WIPF2: variants seen among roughly 807,000 people sequenced by gnomAD.
The protein encoded by WIPF2 is WAS/WASL-interacting protein family member 2.
In WIPF2, 23 loss-of-function variants were observed where a neutral mutation model predicts 38.8. The observed-to-expected ratio is 0.59, with a 90% CI of 0.43 to 0.84. WIPF2 has a LOEUF of 0.84. Among genes scored for constraint, WIPF2 ranks in the 40% least tolerant of loss-of-function variants. WIPF2 has a pLI of 0.00. For synonymous variants in WIPF2, 210 were observed against 223.2 expected (o/e 0.94, Z 0.53); for missense variants, 574 against 580.5 (o/e 0.99, Z 0.11).
intron 5 of WIPF2, among the ~76,000 whole-genome samples, chr17:40,272,419 T>A (rs1311422169): frequency 6.6e-6 from 1 of 152,250 alleles, no homozygotes; most frequent in African/African-American, 2.4e-5. Context: ...ATAAACTTGC[T>A]TTGGAGGCAA....
At position 40,277,210 on chromosome 17, in the gene WIPF2, T is replaced by C. The variant is rs186692098; in HGVS notation, c.1282+26T>C. ...GTGAGAATAATAATAAGAAGGTTTT[T>C]CCATAATTGCATAGAATGTAGAATC... On this transcript the variant is annotated intron_variant, in intron 7 of 7. Coordinates refer to ENST00000323571, the MANE Select transcript of WIPF2 (RefSeq NM_133264.5). 5,082 of 1,550,946 alleles carry C rather than the reference T, an allele frequency of 3.3e-3. 29 individuals carry two copies. Among genetic ancestry groups the C allele is most frequent in the Non-Finnish European group, 3.6e-3 (4,116 of 1,132,436 alleles).
chr17:40,250,782 C>T (rs944764122), intron 1 of WIPF2, among the ~76,000 whole-genome samples: 1 of 152,026 alleles, frequency 6.6e-6, no homozygotes, highest in South Asian at 2.1e-4. Context: ...CCATTAGATT[C>T]TTAGCTGCAC....
chr17:40,267,473 A>G (rs1433699341), intron 5 of WIPF2, among the ~76,000 whole-genome samples: 1 of 152,168 alleles, frequency 6.6e-6, no homozygotes. Context: ...TTTGGCTCCC[A>G]TATCGTTGTA....
chr17:40,258,017 A>G (rs2031782912), intron 2 of WIPF2, among the ~76,000 whole-genome samples: 1 of 152,198 alleles, frequency 6.6e-6, no homozygotes, highest in African/African-American at 2.4e-5. Context: ...CATAACCTGT[A>G]GTTTTTAGAC....
chr17:40,242,229 G>A (rs2031214003), intron 1 of WIPF2, among the ~76,000 whole-genome samples: 2 of 152,050 alleles, frequency 1.3e-5, no homozygotes, highest in Non-Finnish European at 2.9e-5. Context: ...AAAATAAAAC[G>A]ATTAGCTGGA....
At chr17:40,269,273 T>G (rs1466758733) in intron 5 of WIPF2, among the ~76,000 whole-genome samples, 1 of 151,972 alleles carries the variant, frequency 6.6e-6, no homozygotes, top group African/African-American at 2.4e-5. Flanking sequence ...TGAGCTAAGA[T>G]TGCACCACTG....
At chr17:40,250,817 A>G (rs932142650) in intron 1 of WIPF2, among the ~76,000 whole-genome samples, 16 of 151,016 alleles carry the variant, frequency 1.1e-4, no homozygotes, top group African/African-American at 3.4e-4. Flanking sequence ...TTGTAGTCCT[A>G]TCTTCTCGGG....
intron 1 of WIPF2, among the ~76,000 whole-genome samples, chr17:40,229,728 C>T (rs964353030): frequency 1.3e-5 from 2 of 152,132 alleles, no homozygotes; most frequent in Non-Finnish European, 2.9e-5. Flanking sequence ...GGCCCAAAGA[C>T]ATTTATTAAA....
Position 40,278,198 on chromosome 17 carries a change from C to T in WIPF2, c.1296C>T (p.Ala432=), listed in dbSNP as rs2032466812. The T allele has an allele frequency of 1.2e-6, 2 of 1,613,582 alleles. No homozygotes were observed. Among genetic ancestry groups the T allele is most frequent in the Non-Finnish European group, 1.7e-6 (2 of 1,179,906 alleles). The change falls in exon 8 of 8, where the codon GCC becomes GCT. Residue 432 remains alanine, a synonymous_variant. Transcript: ENST00000323571. ...PSKTNRAARG[A]PPLPPILR The stretch of plus-strand genomic sequence containing the variant: ...GTTTTTTTTCAGCTGCCCGTGGAGC[C>T]CCACCTCTGCCACCCATTCTCAGGT...
chr17:40,233,762 C>G (rs1348896458), intron 1 of WIPF2, among the ~76,000 whole-genome samples: 1 of 151,816 alleles, frequency 6.6e-6, no homozygotes. Flanking sequence ...AACCCCGTCT[C>G]TACTAAAAAT....
At chr17:40,274,557 G>GAAAAAAAAAAAAAA (rs571085371) in intron 6 of WIPF2, among the ~76,000 whole-genome samples, 8 of 24,782 alleles carry the variant, frequency 3.2e-4, no homozygotes, top group Non-Finnish European at 4.1e-4. Context: ...TGGAATTCTT[G>GAAAAAAAAAAAAAA]AAAAAAAAAA....
At chr17:40,228,623 A>C (rs939474201) in intron 1 of WIPF2, among the ~76,000 whole-genome samples, 1 of 148,940 alleles carries the variant, frequency 6.7e-6, no homozygotes, top group Admixed American at 6.7e-5. Flanking sequence ...GCAGTGAACA[A>C]ATTTTCTTGG....
intron 5 of WIPF2, among the ~76,000 whole-genome samples, chr17:40,269,969 G>T (rs1265285299): frequency 1.3e-5 from 2 of 152,052 alleles, no homozygotes; most frequent in Non-Finnish European, 2.9e-5. Flanking sequence ...CAAAATTAGG[G>T]TTAATCTTGG....
intron 1 of WIPF2, among the ~76,000 whole-genome samples, chr17:40,226,601 C>A (rs1041912590): frequency 6.6e-6 from 1 of 152,146 alleles, no homozygotes; most frequent in Admixed American, 6.6e-5. Flanking sequence ...TCTTCCATTC[C>A]TGCCCTCCCA....
At chr17:40,226,560 T>C (rs7359537) in intron 1 of WIPF2, among the ~76,000 whole-genome samples, 19,179 of 151,832 alleles carry the variant, frequency 0.13, 1,338 homozygotes, top group East Asian at 0.29. Context: ...AGATGCGATG[T>C]CTGAGATTTG....
In WIPF2 at chr17:40,264,847, C is replaced by G; in HGVS notation, c.671C>G (p.Pro224Arg). 1.2e-6 allele frequency: 2 copies of G among 1,614,184 alleles called. No individual in the cohort carries two copies. Among genetic ancestry groups the G allele is most frequent in the Admixed American group, 1.7e-5 (1 of 60,018 alleles). Residue 224 changes from proline (P) to arginine (R), a missense_variant, in exon 5 of 8, where the codon CCT becomes CGT. Coordinates refer to ENST00000323571, the MANE Select transcript of WIPF2 (RefSeq NM_133264.5). ...GQRLHPGREG[P>R]PAPPPVKPPP... The stretch of plus-strand genomic sequence containing the variant: ...AGGCTTCACCCTGGTCGAGAGGGAC[C>G]TCCTGCTCCACCCCCAGTCAAACCA...
rs541289243 is a variant in WIPF2 at position 40,248,665 on chromosome 17, T to A, written c.-69-7726T>A. Among the ~76,000 whole-genome samples the A allele has an allele frequency of 3.3e-5, 5 of 152,332 alleles. No individual in the cohort carries two copies. The South Asian group carries it at 8.3e-4, about 25-fold the overall frequency. ...TGCTGTTAGAGAGATTTCATTTGAT[T>A]TGAACTATGGGATCAGAAGAATTCC... On this transcript the variant is annotated intron_variant, in intron 1 of 7. Coordinates refer to ENST00000323571, the MANE Select transcript of WIPF2 (RefSeq NM_133264.5).
At position 40,278,373 on chromosome 17, in the gene WIPF2, C is replaced by A; in HGVS notation, c.*148C>A. Reference sequence around the variant, plus strand: ...CTAGACTCCAAATGTCCTCCCAGCTCACCTCCATCTATGCATCTCATCTCT... The same window carrying A: ...CTAGACTCCAAATGTCCTCCCAGCTAACCTCCATCTATGCATCTCATCTCT... On this transcript the variant is annotated 3_prime_UTR_variant, in exon 8 of 8. Coordinates refer to ENST00000323571, the MANE Select transcript of WIPF2 (RefSeq NM_133264.5). 1 of 874,126 alleles carries A rather than the reference C, an allele frequency of 1.1e-6. No homozygotes were observed. The highest frequency in any genetic ancestry group is 1.8e-6 in the Non-Finnish European group (1 of 563,056). 54.1% of individuals were successfully genotyped at this position (874,126 alleles called of 1,614,324 possible). A position where few individuals can be genotyped will look rare whatever the true frequency, so the allele number is the denominator to read the frequency against.
intron 5 of WIPF2, among the ~76,000 whole-genome samples, chr17:40,269,306 C>T (rs1239655430): frequency 1.3e-5 from 2 of 151,646 alleles, no homozygotes; most frequent in Non-Finnish European, 2.9e-5. Flanking sequence ...GGTGACTGAG[C>T]GAGACTCTGT....
Sources: gnomAD v4.1 joint callset for allele counts (sites outside exome capture counted in the v4.1 genomes callset) on GRCh38, gnomAD v4.1.1 for gene constraint, MANE v1.5 for transcripts, NCBI Gene and HGNC (gene_info 2026-07-23, HGNC 2026-07-21) for gene names.